SHC3: variants seen among roughly 807,000 people sequenced by gnomAD.
The protein encoded by SHC3 is SHC adaptor protein 3.
Under a neutral mutation model 60.4 loss-of-function variants are expected in SHC3, and 15 were observed. The ratio of observed to expected loss-of-function variants is 0.25; its 90% confidence interval spans 0.17 to 0.38. The LOEUF (loss-of-function observed/expected upper bound fraction) is 0.38, where lower values mean the gene tolerates loss of function less well. SHC3 is among the 10% of genes least tolerant of loss of function. The pLI, the probability that SHC3 is intolerant of heterozygous loss-of-function variation, is 1.00. For synonymous variants in SHC3, 294 were observed against 325.9 expected (o/e 0.90, Z 1.05); for missense variants, 677 against 786.1 (o/e 0.86, Z 1.66).
intron 1 of SHC3, among the ~76,000 whole-genome samples, chr9:89,173,054 G>A (rs973644505): frequency 2.0e-5 from 3 of 152,136 alleles, no homozygotes; most frequent in Non-Finnish European, 4.4e-5. Flanking sequence ...TTTCTGCCTC[G>A]GCCAGGCCTC....
chr9:89,133,224 C>T (rs571802682), intron 1 of SHC3, among the ~76,000 whole-genome samples: 195 of 152,254 alleles, frequency 1.3e-3, no homozygotes, highest in African/African-American at 4.5e-3. Context: ...ACATCTCACA[C>T]CAGTTAGAAT....
At chr9:89,158,078 T>TTG (rs1329118500) in intron 1 of SHC3, among the ~76,000 whole-genome samples, 1 of 151,744 alleles carries the variant, frequency 6.6e-6, no homozygotes, top group Non-Finnish European at 1.5e-5. Flanking sequence ...TTTTAGTTTC[T>TTG]TGAGGTAGAC....
chr9:89,036,163 A>C (rs1406174183), intron 11 of SHC3, among the ~76,000 whole-genome samples: 1 of 152,152 alleles, frequency 6.6e-6, no homozygotes, highest in African/African-American at 2.4e-5. Context: ...AAGAGAATAC[A>C]TGTGAAAATT....
chr9:89,035,959 T>C (rs188638964), intron 11 of SHC3, among the ~76,000 whole-genome samples: 2 of 151,202 alleles, frequency 1.3e-5, no homozygotes. Context: ...ATGTGAAAGA[T>C]AAAACTATAA....
intron 2 of SHC3, among the ~76,000 whole-genome samples, chr9:89,089,282 A>T (rs1020535899): frequency 6.6e-6 from 1 of 152,236 alleles, no homozygotes; most frequent in Non-Finnish European, 1.5e-5. Flanking sequence ...AGAGAGAAAG[A>T]AAGAGGAAAC....
At chr9:89,064,862 G>A (rs111714430) in intron 6 of SHC3, among the ~76,000 whole-genome samples, 254 of 152,212 alleles carry the variant, frequency 1.7e-3, no homozygotes, top group African/African-American at 5.8e-3. Flanking sequence ...CCTGGGGTAG[G>A]GGGGTAGTGA....
intron 6 of SHC3, 120 bp downstream of exon 6, chr9:89,065,409 A>G: frequency 3.8e-6 from 4 of 1,042,486 alleles, no homozygotes; most frequent in Non-Finnish European, 5.9e-6. Context: ...CATCCTTAGT[A>G]ATACAAGATG....
chr9:89,140,602 C>T (rs1826379580), intron 1 of SHC3, among the ~76,000 whole-genome samples: 1 of 152,112 alleles, frequency 6.6e-6, no homozygotes, highest in Non-Finnish European at 1.5e-5. Context: ...TAATGCAAAA[C>T]AATTTCTGAT....
chr9:89,041,868 A>G (rs548699309), intron 10 of SHC3, among the ~76,000 whole-genome samples, 158 bp downstream of exon 10: 5 of 152,370 alleles, frequency 3.3e-5, no homozygotes, highest in African/African-American at 9.6e-5. Context: ...CTAAAGCCTT[A>G]AACAAACCCA....
chr9:89,156,924 G>A (rs769060769), intron 1 of SHC3, among the ~76,000 whole-genome samples: 2 of 152,116 alleles, frequency 1.3e-5, no homozygotes, highest in African/African-American at 4.8e-5. Flanking sequence ...TCTGCTTGGA[G>A]ATGTCCTGTC....
chr9:89,057,255 A>G (rs1824967282), intron 6 of SHC3, among the ~76,000 whole-genome samples: 1 of 152,102 alleles, frequency 6.6e-6, no homozygotes, highest in South Asian at 2.1e-4. Flanking sequence ...CTGGTCAGAC[A>G]ACCTTAGTTT....
intron 6 of SHC3, among the ~76,000 whole-genome samples, chr9:89,058,031 A>G (rs963191356): frequency 6.6e-6 from 1 of 152,250 alleles, no homozygotes; most frequent in African/African-American, 2.4e-5. Context: ...AAGAAGCTGG[A>G]AGGAGTCTCC....
chr9:89,068,292 G>A (rs11137501), intron 5 of SHC3, among the ~76,000 whole-genome samples: 8 of 152,004 alleles, frequency 5.3e-5, no homozygotes, highest in South Asian at 2.1e-4. Context: ...ACAGCATGCC[G>A]TTTTTAGAGA....
intron 11 of SHC3, among the ~76,000 whole-genome samples, chr9:89,027,339 T>TTTTTTTTTTTTTTA (rs1564082528): frequency 2.6e-5 from 4 of 151,006 alleles, no homozygotes; most frequent in African/African-American, 7.4e-5. Context: ...TTTTTTTTTT[T>TTTTTTTTTTTTTTA]GAGACTGAGT....
intron 11 of SHC3, among the ~76,000 whole-genome samples, chr9:89,030,921 C>CT (rs918475168): frequency 6.6e-6 from 1 of 151,720 alleles, no homozygotes; most frequent in African/African-American, 2.4e-5. Context: ...AATTTTTTTT[C>CT]TTTTTTTCTT....
At chr9:89,037,241 A>G (rs933204381) in intron 11 of SHC3, 18 of 450,548 alleles carry the variant, frequency 4.0e-5, no homozygotes, top group African/African-American at 3.6e-4. Context: ...CAAAGGCTTC[A>G]TCCCTCCCTG....
chr9:89,137,233 T>C (rs1826332746), intron 1 of SHC3, among the ~76,000 whole-genome samples: 1 of 152,162 alleles, frequency 6.6e-6, no homozygotes, highest in Non-Finnish European at 1.5e-5. Context: ...GATACCATTG[T>C]TTTTCCACTT....
In SHC3 at chr9:89,178,584, G is replaced by A. The variant is rs974566587; in HGVS notation, c.-124C>T. 4 of 817,092 alleles carry A rather than the reference G, an allele frequency of 4.9e-6. No individual in the cohort carries two copies. Among genetic ancestry groups the A allele is most frequent in the Non-Finnish European group, 7.1e-6 (4 of 565,424 alleles). 50.6% of individuals were successfully genotyped at this position (817,092 alleles called of 1,614,324 possible). Reference sequence around the variant, plus strand: ...GACGGAGAGTGGGGGCCCCGGGACAGCCTTCTGGAGAACGAGAGCAGAGCA... The same window carrying A: ...GACGGAGAGTGGGGGCCCCGGGACAACCTTCTGGAGAACGAGAGCAGAGCA... On this transcript the variant is annotated 5_prime_UTR_variant, in exon 1 of 12. Transcript: ENST00000375835. This position sits in a 1 kb window ranked among gnomAD's most constrained non-coding sequence, Gnocchi z 6.9.
chr9:89,042,048 T>C lies in SHC3; in HGVS notation c.1338A>G (p.Pro446=), dbSNP rs3750399. The C allele has an allele frequency of 0.68, 1,089,799 of 1,613,176 alleles. 372,464 individuals are homozygous for C. Among genetic ancestry groups the C allele is most frequent in the East Asian group, 0.99 (44,198 of 44,854 alleles). Residue 446 remains proline (P), a synonymous_variant, in exon 10 of 12, where the codon CCA becomes CCG. Coordinates refer to ENST00000375835, the MANE Select transcript of SHC3 (RefSeq NM_016848.6). ...CACTCATGTCAAAGAGGTCTTTCCT[T>C]GGGCTGCTCTCAGCACTGCTGACCG... ...PAAVSSAESS[P]RKDLFDMKPF... is the part of the protein sequence containing the mutation.
Sources: allele counts gnomAD v4.1 joint callset (sites outside exome capture counted in the v4.1 genomes callset), GRCh38; gene constraint gnomAD v4.1.1; non-coding constraint Gnocchi (gnomAD v3.1); transcripts MANE v1.5; gene names NCBI Gene and HGNC (gene_info 2026-07-23, HGNC 2026-07-21).